The following MTMR7 variants were observed in gnomAD, a reference collection of about 807,000 sequenced individuals.
MTMR7 encodes phosphatidylinositol-3-phosphate phosphatase MTMR7.
Under a neutral mutation model 81.2 loss-of-function variants are expected in MTMR7, and 76 were observed. The ratio of observed to expected loss-of-function variants is 0.94; its 90% CI spans 0.78 to 1.13. MTMR7 has a LOEUF of 1.13. MTMR7 is among the 50% of genes most tolerant of loss of function. The pLI is 0.00. For synonymous variants in MTMR7, 372 were observed against 289.8 expected, an observed-to-expected ratio of 1.28 and a Z score of -2.88; for missense variants, 1,044 against 820.0, an observed-to-expected ratio of 1.27 and a Z score of -3.34.
At chr8:17,389,738 G>A (rs936573122) in intron 1 of MTMR7, among the ~76,000 whole-genome samples, 27 of 152,026 alleles carry the variant, frequency 1.8e-4, no homozygotes, top group African/African-American at 6.5e-4. Context: ...TGCACATACA[G>A]GAAACAGAGC....
At chr8:17,303,998 G>A (rs1296224743) in intron 12 of MTMR7, among the ~76,000 whole-genome samples, 1 of 152,102 alleles carries the variant, frequency 6.6e-6, no homozygotes, top group Non-Finnish European at 1.5e-5. Context: ...TTGTATAACG[G>A]CAAAAACCAC....
intron 4 of MTMR7, among the ~76,000 whole-genome samples, chr8:17,353,158 T>G (rs566181967): frequency 1.4e-3 from 218 of 152,290 alleles, no homozygotes; most frequent in Non-Finnish European, 2.3e-3. Context: ...CAGATGAACC[T>G]TGAGGACATT....
intron 1 of MTMR7, among the ~76,000 whole-genome samples, chr8:17,408,742 AGAT>A (rs1821664187): frequency 6.6e-6 from 1 of 152,200 alleles, no homozygotes; most frequent in Non-Finnish European, 1.5e-5. Flanking sequence ...AAATTCAATG[AGAT>A]AATATTCAAC....
chr8:17,338,116 A>G (rs2150539035), intron 6 of MTMR7, among the ~76,000 whole-genome samples: 1 of 152,318 alleles, frequency 6.6e-6, no homozygotes, highest in East Asian at 1.9e-4. Flanking sequence ...TGAAAGCTCT[A>G]AGTAAACAGT....
intron 1 of MTMR7, among the ~76,000 whole-genome samples, chr8:17,404,717 T>C (rs1477793887): frequency 6.6e-6 from 1 of 152,194 alleles, no homozygotes; most frequent in Non-Finnish European, 1.5e-5. Context: ...CCAGAAAAGA[T>C]ACCTGAGAAA....
At chr8:17,328,302 C>G (rs1302181441) in intron 7 of MTMR7, among the ~76,000 whole-genome samples, 1 of 152,262 alleles carries the variant, frequency 6.6e-6, no homozygotes, top group East Asian at 1.9e-4. Flanking sequence ...TTCCACCTTC[C>G]TCTTCACCAC....
chr8:17,366,740 AC>A (rs1258057018), intron 3 of MTMR7, among the ~76,000 whole-genome samples: 23 of 151,654 alleles, frequency 1.5e-4, no homozygotes, highest in Admixed American at 1.5e-3. Context: ...CAAAAAATTA[AC>A]CGGGCGTGGT....
At chr8:17,330,422 A>G (rs531110523) in intron 7 of MTMR7, among the ~76,000 whole-genome samples, 1 of 152,356 alleles carries the variant, frequency 6.6e-6, no homozygotes, top group East Asian at 1.9e-4. Flanking sequence ...CAGAGCCGGA[A>G]GTGGTAGACT....
intron 7 of MTMR7, among the ~76,000 whole-genome samples, chr8:17,319,422 T>C (rs904976139): frequency 2.6e-5 from 4 of 152,304 alleles, no homozygotes; most frequent in East Asian, 1.9e-4. Context: ...CACTCAAACA[T>C]GTCAACGCTG....
At chr8:17,407,088 C>T (rs1821607846) in intron 1 of MTMR7, among the ~76,000 whole-genome samples, 1 of 151,968 alleles carries the variant, frequency 6.6e-6, no homozygotes, top group African/African-American at 2.4e-5. Context: ...AAATTGCATA[C>T]TTTAGAAAGG....
intron 10 of MTMR7, among the ~76,000 whole-genome samples, chr8:17,308,176 A>C (rs1033003591): frequency 1.4e-5 from 2 of 146,612 alleles, no homozygotes; most frequent in South Asian, 4.3e-4. Context: ...ACTGCAAATC[A>C]AAAAAAAAAG....
chr8:17,326,828 T>C (rs996848191), intron 7 of MTMR7, among the ~76,000 whole-genome samples: 2 of 152,194 alleles, frequency 1.3e-5, no homozygotes. Context: ...TGAGTTCCAA[T>C]TTATGCTTGA....
chr8:17,408,395 CAAAAAAAAAAAA>C (rs530240881), intron 1 of MTMR7, among the ~76,000 whole-genome samples: 1 of 23,486 alleles, frequency 4.3e-5, no homozygotes, highest in Non-Finnish European at 1.1e-4. Flanking sequence ...GACTCCGTCT[CAAAAAAAAAAAA>C]AAAAAAAAAA....
At chr8:17,378,172 C>T (rs4921545) in intron 1 of MTMR7, among the ~76,000 whole-genome samples, 117,429 of 151,912 alleles carry the variant, frequency 0.77, 45,816 homozygotes, top group South Asian at 0.94. Context: ...CAAAATTTGG[C>T]AATAGTTCCT....
At chr8:17,315,911 G>A (rs1017747517) in intron 7 of MTMR7, among the ~76,000 whole-genome samples, 1 of 152,138 alleles carries the variant, frequency 6.6e-6, no homozygotes, top group East Asian at 1.9e-4. Flanking sequence ...TACTTGGGAG[G>A]CTGAGTTGAG....
intron 1 of MTMR7, among the ~76,000 whole-genome samples, chr8:17,375,328 G>C (rs13274187): frequency 0.094 from 14,332 of 152,034 alleles, 949 homozygotes; most frequent in Non-Finnish European, 0.15. Context: ...AGTTTTCAGA[G>C]ATCTACTGAG....
At chr8:17,331,124 A>G (rs1412945975) in intron 7 of MTMR7, 26 bp downstream of exon 7, 2 of 1,597,328 alleles carry the variant, frequency 1.3e-6, no homozygotes, top group Non-Finnish European at 1.7e-6. Context: ...CTGCATTTTA[A>G]TGCTGTGCAT....
At chr8:17,390,702 A>C (rs1020386143) in intron 1 of MTMR7, among the ~76,000 whole-genome samples, 2 of 152,192 alleles carry the variant, frequency 1.3e-5, no homozygotes, top group Admixed American at 6.5e-5. Flanking sequence ...GGAAACTTAC[A>C]ATCATGGCAG....
At chr8:17,411,981 A>ATTAAGTGGTAC (rs1821748477) in intron 1 of MTMR7, among the ~76,000 whole-genome samples, 1 of 152,224 alleles carries the variant, frequency 6.6e-6, no homozygotes, top group Non-Finnish European at 1.5e-5. Flanking sequence ...CCCTTCTGGA[A>ATTAAGTGGTAC]TAAATTATTT....
Sources: gnomAD v4.1 joint callset for allele counts (sites outside exome capture counted in the v4.1 genomes callset) on GRCh38, gnomAD v4.1.1 for gene constraint, MANE v1.5 for transcripts, NCBI Gene and HGNC (gene_info 2026-07-23, HGNC 2026-07-21) for gene names.